The following PI4K2B variants were observed in gnomAD, a reference collection of about 807,000 sequenced individuals.
The protein encoded by PI4K2B is phosphatidylinositol 4-kinase type 2 beta.
PI4K2B carries 46 observed loss-of-function variants against 56.6 expected under a neutral mutation model. The ratio of observed to expected loss-of-function variants is 0.81; its 90% CI spans 0.64 to 1.04. The LOEUF (loss-of-function observed/expected upper bound fraction) is 1.04. Among genes scored for constraint, PI4K2B ranks in the 50% least tolerant of loss-of-function variants. The pLI is 0.00. For missense variants in PI4K2B, 556 were observed against 607.7 expected (o/e 0.91, Z 0.89); for synonymous variants, 211 against 223.8 (o/e 0.94, Z 0.51).
At chr4:25,240,257 C>G (rs889157524) in intron 1 of PI4K2B, among the ~76,000 whole-genome samples, 1 of 152,174 alleles carries the variant, frequency 6.6e-6, no homozygotes, top group African/African-American at 2.4e-5. Flanking sequence ...CACTCTTCCC[C>G]TAAGAAGGTG....
intron 9 of PI4K2B, among the ~76,000 whole-genome samples, chr4:25,274,174 A>G (rs1717016157): frequency 6.6e-6 from 1 of 152,218 alleles, no homozygotes; most frequent in African/African-American, 2.4e-5. Context: ...ACGAAAAAGT[A>G]GAATATATGT....
At chr4:25,243,239 T>G (rs1426299826) in intron 1 of PI4K2B, among the ~76,000 whole-genome samples, 1 of 152,226 alleles carries the variant, frequency 6.6e-6, no homozygotes, top group Non-Finnish European at 1.5e-5. Flanking sequence ...TGTTGGATCA[T>G]CTGGTTGGGG....
chr4:25,273,544 G>A (rs562521488), intron 9 of PI4K2B, among the ~76,000 whole-genome samples: 4 of 152,230 alleles, frequency 2.6e-5, no homozygotes, highest in South Asian at 4.1e-4. Flanking sequence ...AGTAGTCTAC[G>A]TTTTAGGTGG....
chr4:25,254,303 T>C (rs1056349046), intron 2 of PI4K2B: 3 of 384,632 alleles, frequency 7.8e-6, no homozygotes, highest in Non-Finnish European at 1.1e-5. Flanking sequence ...TACATTAATG[T>C]GGGGAAAGTA....
intron 1 of PI4K2B, among the ~76,000 whole-genome samples, chr4:25,250,995 G>A (rs533974364): frequency 8.2e-6 from 1 of 121,502 alleles, no homozygotes; most frequent in Non-Finnish European, 1.8e-5. Flanking sequence ...GAAACGTAGG[G>A]ATGAAGCCTT....
At chr4:25,241,011 C>T (rs1259490845) in intron 1 of PI4K2B, among the ~76,000 whole-genome samples, 5 of 152,204 alleles carry the variant, frequency 3.3e-5, no homozygotes, top group Non-Finnish European at 7.3e-5. Flanking sequence ...CTCTTCTTCC[C>T]CTTTTTGATG....
chr4:25,277,128 C>T lies in PI4K2B; in HGVS notation c.1387C>T (p.Leu463=), dbSNP rs762038140. 3.7e-5 allele frequency: 60 copies of T among 1,613,954 alleles called. No homozygotes were observed. Among genetic ancestry groups the T allele is most frequent in the Non-Finnish European group, 5.0e-5 (59 of 1,179,896 alleles). The change falls in exon 10 of 10, where the codon CTG becomes TTG. Residue 463 remains leucine (L), a synonymous_variant. Coordinates refer to ENST00000264864, the MANE Select transcript of PI4K2B (RefSeq NM_018323.4). ...QGGSQGRIVH[L]SNSFTQTVNC... is the part of the protein sequence containing the mutation. Reference sequence around the variant, plus strand: ...TGGAAGTCAGGGTCGGATTGTCCACCTGAGCAATTCCTTTACCCAGACTGT... The same window carrying T: ...TGGAAGTCAGGGTCGGATTGTCCACTTGAGCAATTCCTTTACCCAGACTGT...
At chr4:25,266,207 A>C (rs115315329) in intron 7 of PI4K2B, among the ~76,000 whole-genome samples, 1 of 152,198 alleles carries the variant, frequency 6.6e-6, no homozygotes, top group South Asian at 2.1e-4. Context: ...CCCCTCTGTC[A>C]TCTAGGCTGG....
chr4:25,235,723 G>T (rs574312659), intron 1 of PI4K2B, among the ~76,000 whole-genome samples: 1 of 152,182 alleles, frequency 6.6e-6, no homozygotes, highest in African/African-American at 2.4e-5. Flanking sequence ...TAGCTAGCTT[G>T]CCTTTTTCTG....
intron 9 of PI4K2B, among the ~76,000 whole-genome samples, chr4:25,273,674 C>G (rs188583646): frequency 7.6e-4 from 116 of 152,366 alleles, no homozygotes; most frequent in African/African-American, 2.7e-3. Context: ...CATCTCTCCT[C>G]TGGATTTACC....
chr4:25,250,219 GGA>G (rs1715995613), intron 1 of PI4K2B, among the ~76,000 whole-genome samples: 1 of 152,124 alleles, frequency 6.6e-6, no homozygotes, highest in Non-Finnish European at 1.5e-5. Flanking sequence ...CAAAGAAGAG[GGA>G]GAGGGGAGAG....
intron 9 of PI4K2B, 67 bp from the exon 10 acceptor site, chr4:25,276,947 A>T (rs938887972): frequency 1.4e-6 from 2 of 1,464,660 alleles, no homozygotes; most frequent in Non-Finnish European, 1.8e-6. Context: ...TAAATGGTTT[A>T]AAAAATGTCA....
chr4:25,252,224 A>AT lies in PI4K2B; in HGVS notation c.269-92dup. On this transcript the variant is annotated intron_variant, in intron 1 of 9. Transcript: ENST00000264864. ...AGCAGTCTATACAAATCTTGATTAC[A>AT]TTTTTCTGTACCTTATATCCTGATA... 3.5e-6 allele frequency: 3 copies of AT among 868,686 alleles called. No individual in the cohort carries two copies. The Admixed American group carries it at 6.5e-5, about 19-fold the overall frequency. 53.8% of individuals were successfully genotyped at this position (868,686 alleles called of 1,614,324 possible).
At chr4:25,262,504 G>A (rs915161706) in intron 6 of PI4K2B, among the ~76,000 whole-genome samples, 1 of 152,092 alleles carries the variant, frequency 6.6e-6, no homozygotes, top group Non-Finnish European at 1.5e-5. Context: ...AAGAAATAAA[G>A]TTGGCGTACC....
At position 25,251,829 on chromosome 4, in the gene PI4K2B, A is replaced by C. The variant is rs201961143; in HGVS notation, c.269-492A>C. Among the ~76,000 whole-genome samples, 3 of 131,396 alleles carry C rather than the reference A, an allele frequency of 2.3e-5. No individual in the cohort carries two copies. The East Asian group carries it at 6.7e-4, about 29-fold the overall frequency. 86.2% of individuals were successfully genotyped at this position (131,396 alleles called of 152,430 possible). On this transcript the variant is annotated intron_variant, in intron 1 of 9. Coordinates refer to ENST00000264864, the MANE Select transcript of PI4K2B (RefSeq NM_018323.4). ...CCATGTTGTTGTTGTTGTTGTTGTT[A>C]TTATTATTATTTGGACGGTGTCTCG...
At chr4:25,249,666 C>T (rs1290809861) in intron 1 of PI4K2B, among the ~76,000 whole-genome samples, 2 of 150,896 alleles carry the variant, frequency 1.3e-5, no homozygotes, top group East Asian at 2.0e-4. Flanking sequence ...GATGGGGTGG[C>T]GGCAGGGCAG....
rs140490444 is a variant in PI4K2B, at chr4:25,260,458, C to G, written c.911-66C>G. 492 of 621,060 alleles carry G rather than the reference C, an allele frequency of 7.9e-4. 3 individuals carry two copies. In the East Asian group the frequency reaches 0.016, roughly 20 times the overall value. The allele number at this position is 621,060 out of a possible 1,614,324, so 38.5% of individuals were successfully genotyped here. ...AAAATCAGGAGATCACTAGAGTTTTCTCATTGATATTAAGCCATGATGTCC... is the reference window on the plus strand; with the variant it reads ...AAAATCAGGAGATCACTAGAGTTTTGTCATTGATATTAAGCCATGATGTCC... On this transcript the variant is annotated intron_variant, in intron 5 of 9. Transcript: ENST00000264864.
intron 5 of PI4K2B, among the ~76,000 whole-genome samples, chr4:25,259,928 C>T (rs796784016): frequency 3.3e-5 from 5 of 152,270 alleles, no homozygotes; most frequent in African/African-American, 9.6e-5. Context: ...TCAGACACTA[C>T]GCTGGACCTT....
chr4:25,244,879 C>G lies in PI4K2B; in HGVS notation c.269-7442C>G, dbSNP rs113101101. ...AGTGACCCTTACCGACCCTTACCGACGCATTCTCAAAAACCTGTTAAGAGT... is the reference window on the plus strand; with the variant it reads ...AGTGACCCTTACCGACCCTTACCGAGGCATTCTCAAAAACCTGTTAAGAGT... On this transcript the variant is annotated intron_variant, in intron 1 of 9. Coordinates refer to ENST00000264864, the MANE Select transcript of PI4K2B (RefSeq NM_018323.4). Among the ~76,000 whole-genome samples, 182 of 152,230 alleles carry G rather than the reference C, an allele frequency of 1.2e-3. No individual in the cohort carries two copies. In the Middle Eastern group the frequency reaches 0.031, roughly 26 times the overall value.
Sources: allele counts gnomAD v4.1 joint callset (sites outside exome capture counted in the v4.1 genomes callset), GRCh38; gene constraint gnomAD v4.1.1; transcripts MANE v1.5; gene names NCBI Gene and HGNC (gene_info 2026-07-23, HGNC 2026-07-21).